The following ANLN variants were observed in gnomAD, a reference collection of about 807,000 sequenced individuals.
ANLN encodes anillin, actin binding protein.
A neutral mutation model predicts 135.1 loss-of-function variants in ANLN; 59 were observed. That is an observed-to-expected ratio of 0.44 (90% CI 0.35 to 0.54). ANLN has a LOEUF of 0.54. Ranked by LOEUF, ANLN falls within the 20% of genes least tolerant of loss-of-function variation. The probability of loss-of-function intolerance (pLI) is 0.00; values close to 1 mark genes in which losing one functional copy is unlikely to be tolerated. For missense variants in ANLN, 1,182 were observed against 1,340.0 expected, an observed-to-expected ratio of 0.88 and a Z score of 1.84; for synonymous variants, 406 against 456.4, an observed-to-expected ratio of 0.89 and a Z score of 1.41.
chr7:36,428,774 AG>A (rs1202421712), intron 20 of ANLN, among the ~76,000 whole-genome samples: 12,916 of 135,508 alleles, frequency 0.095, 364 homozygotes, highest in Non-Finnish European at 0.12. Flanking sequence ...AAATAAAAGC[AG>A]ATTTTTTTTT....
chr7:36,408,186 G>A (rs1787269968), intron 5 of ANLN, among the ~76,000 whole-genome samples: 1 of 152,126 alleles, frequency 6.6e-6, no homozygotes, highest in Admixed American at 6.5e-5. Flanking sequence ...GTTTAAACAT[G>A]CTTTTTCCAG....
At chr7:36,427,815 T>C (rs1788149143) in intron 20 of ANLN, among the ~76,000 whole-genome samples, 1 of 152,244 alleles carries the variant, frequency 6.6e-6, no homozygotes, top group Admixed American at 6.5e-5. Flanking sequence ...ATCAGATCTG[T>C]GTTAACATCA....
chr7:36,448,078 G>A (rs1280519991), intron 22 of ANLN, among the ~76,000 whole-genome samples: 2 of 151,814 alleles, frequency 1.3e-5, no homozygotes, highest in Admixed American at 6.6e-5. Context: ...GCAGTGGCAC[G>A]ATCTCGGCTC....
At chr7:36,434,818 A>G (rs753559791) in intron 20 of ANLN, among the ~76,000 whole-genome samples, 59 of 152,296 alleles carry the variant, frequency 3.9e-4, no homozygotes, top group Non-Finnish European at 7.2e-4. Context: ...GTGAGCCAAG[A>G]TTGTGCCACT....
chr7:36,398,343 C>T (rs976910220), intron 2 of ANLN, among the ~76,000 whole-genome samples: 5 of 152,194 alleles, frequency 3.3e-5, no homozygotes, highest in African/African-American at 1.2e-4. Context: ...AATTGCCCTT[C>T]TAACCATGCT....
At chr7:36,407,355 C>A (rs1787232429) in intron 4 of ANLN, among the ~76,000 whole-genome samples, 1 of 152,042 alleles carries the variant, frequency 6.6e-6, no homozygotes, top group Non-Finnish European at 1.5e-5. Flanking sequence ...GTACATGATA[C>A]TATTTTGTTA....
chr7:36,444,297 A>G (rs1006583835), intron 22 of ANLN, among the ~76,000 whole-genome samples: 6 of 151,938 alleles, frequency 3.9e-5, no homozygotes, highest in Admixed American at 6.6e-5. Flanking sequence ...CTCAAAAAAA[A>G]AAAAAAAATG....
Position 36,441,872 on chromosome 7 carries a change from C to T in ANLN, c.2971-1883C>T, listed in dbSNP as rs184158534. 7.2e-5 allele frequency among the ~76,000 whole-genome samples: 11 copies of T among 152,260 alleles called. No homozygotes were observed. The East Asian group carries it at 1.5e-3, about 21-fold the overall frequency. On this transcript the variant is annotated intron_variant, in intron 21 of 23. Coordinates refer to ENST00000265748, the MANE Select transcript of ANLN (RefSeq NM_018685.5). ...ACTTTCATGCTTGAGATTGAAATAA[C>T]GACATTCCTTTCTTTCTTCCTTGGG...
At chr7:36,405,107 C>A (rs1301203590) in intron 3 of ANLN, among the ~76,000 whole-genome samples, 1 of 152,124 alleles carries the variant, frequency 6.6e-6, no homozygotes, top group Non-Finnish European at 1.5e-5. Context: ...TGTATTTTTA[C>A]TGTACTTTTT....
intron 20 of ANLN, among the ~76,000 whole-genome samples, chr7:36,438,047 C>T (rs1007088964): frequency 1.3e-5 from 2 of 152,222 alleles, no homozygotes; most frequent in South Asian, 2.1e-4. Context: ...CCTCAGCCTC[C>T]CAAAGTGCTG....
Position 36,422,818 on chromosome 7 carries a change from G to A in ANLN, c.2476+9G>A, listed in dbSNP as rs181462178. ...TACGGTTCAGAAACCAGGTATGGTG[G>A]TGATTTTTCTAGATTGTGTGTTAAA... On this transcript the variant is annotated intron_variant, in intron 14 of 23. Coordinates refer to ENST00000265748, the MANE Select transcript of ANLN (RefSeq NM_018685.5). 1.1e-4 allele frequency: 177 copies of A among 1,585,210 alleles called. No individual in the cohort carries two copies. In the African/African-American group the frequency reaches 2.2e-3, roughly 20 times the overall value.
At chr7:36,436,723 A>C (rs534915819) in intron 20 of ANLN, among the ~76,000 whole-genome samples, 1 of 152,310 alleles carries the variant, frequency 6.6e-6, no homozygotes, top group East Asian at 1.9e-4. Flanking sequence ...GTTGATGTTA[A>C]ATGTCTTTTC....
intron 21 of ANLN, 59 bp downstream of exon 21, chr7:36,439,349 G>T: frequency 1.0e-6 from 1 of 964,272 alleles, no homozygotes; most frequent in Non-Finnish European, 1.6e-6. Flanking sequence ...ATACAGACTT[G>T]TTTCCCATAG....
chr7:36,443,186 A>G (rs1788848748), intron 21 of ANLN, among the ~76,000 whole-genome samples: 1 of 152,204 alleles, frequency 6.6e-6, no homozygotes, highest in African/African-American at 2.4e-5. Flanking sequence ...GCCTGATGGC[A>G]GGGAGGCACC....
chr7:36,399,141 G>A lies in ANLN; in HGVS notation c.235G>A (p.Val79Ile). Reference sequence around the variant, plus strand: ...CTGTTCTGACAACACTGAAGTAGAAGTTTCTAACTTGGAAAATAAACAACC... The same window carrying A: ...CTGTTCTGACAACACTGAAGTAGAAATTTCTAACTTGGAAAATAAACAACC... The part of the protein sequence containing the change: ...KRCSDNTEVE[V>I]SNLENKQPVE... The change falls in exon 3 of 24, where the codon GTT (valine) becomes ATT (isoleucine). Residue 79 changes from valine (V) to isoleucine (I), a missense_variant. Physicochemically the swap from Val to Ile is conservative, Grantham distance 29 (BLOSUM62 3). Coordinates refer to ENST00000265748, the MANE Select transcript of ANLN (RefSeq NM_018685.5). 6.2e-7 allele frequency: 1 copy of A among 1,614,126 alleles called. No homozygotes were observed. Among genetic ancestry groups the A allele is most frequent in the Non-Finnish European group, 8.5e-7 (1 of 1,180,014 alleles).
chr7:36,399,123 G>A lies in ANLN; in HGVS notation c.217G>A (p.Asp73Asn). The A allele has an allele frequency of 6.2e-7, 1 of 1,614,002 alleles. No homozygotes were observed. The highest frequency in any genetic ancestry group is 8.5e-7 in the Non-Finnish European group (1 of 1,179,992). Residue 73 changes from aspartate (D) to asparagine (N), a missense_variant, in exon 3 of 24, where the codon GAC becomes AAC. By Grantham distance (23) the Asp-to-Asn change is conservative (BLOSUM62 1). Transcript: ENST00000265748. ...ATCGCCATCAAAAAAACGCTGTTCT[G>A]ACAACACTGAAGTAGAAGTTTCTAA... ...KPSPSKKRCS[D>N]NTEVEVSNLE...
intron 1 of ANLN, 109 bp downstream of exon 1, chr7:36,390,153 TGC>T: frequency 6.3e-7 from 1 of 1,577,274 alleles, no homozygotes; most frequent in Non-Finnish European, 8.6e-7. Context: ...GGCGCGTGTG[TGC>T]GCGCGTGCGC....
chr7:36,390,175 G>A, intron 1 of ANLN, 131 bp downstream of exon 1: 1 of 1,513,202 alleles, frequency 6.6e-7, no homozygotes, highest in Non-Finnish European at 9.0e-7. Flanking sequence ...CAGTGTGTGC[G>A]GGCCGGGGTC....
At chr7:36,407,674 T>C (rs1366752502) in intron 4 of ANLN, 60 bp from the exon 5 acceptor site, 1 of 1,271,116 alleles carries the variant, frequency 7.9e-7, no homozygotes, top group East Asian at 2.3e-5. Flanking sequence ...AATTGTTTTG[T>C]TATAGGACTA....
Sources: gnomAD v4.1 joint callset for allele counts (sites outside exome capture counted in the v4.1 genomes callset) on GRCh38, gnomAD v4.1.1 for gene constraint, MANE v1.5 for transcripts, NCBI Gene and HGNC (gene_info 2026-07-23, HGNC 2026-07-21) for gene names.